Variants in TXK observed in about 807,000 individuals in gnomAD.
The protein encoded by TXK is TXK tyrosine kinase.
TXK carries 60 observed loss-of-function variants against 81.0 expected under a neutral mutation model. That is an observed-to-expected ratio of 0.74 (90% CI 0.60 to 0.92). The LOEUF is 0.92. TXK is among the 40% of genes least tolerant of loss of function. The probability of loss-of-function intolerance (pLI) is 0.00; values close to 1 mark genes in which losing one functional copy is unlikely to be tolerated. For synonymous variants in TXK, 203 were observed against 210.7 expected (o/e 0.96, Z 0.32); for missense variants, 581 against 638.3 (o/e 0.91, Z 0.97).
At chr4:48,096,516 C>T (rs778257165) in intron 6 of TXK, among the ~76,000 whole-genome samples, 5 of 152,072 alleles carry the variant, frequency 3.3e-5, no homozygotes, top group Non-Finnish European at 7.4e-5. Context: ...AATTTTCTTT[C>T]TCTTTCTTTC....
intron 1 of TXK, among the ~76,000 whole-genome samples, chr4:48,127,574 C>T (rs535384682): frequency 6.6e-6 from 1 of 152,336 alleles, no homozygotes; most frequent in African/African-American, 2.4e-5. Context: ...GACTATTTGC[C>T]TGCTGGAAGG....
chr4:48,087,524 C>T (rs1271038665), intron 9 of TXK, among the ~76,000 whole-genome samples: 1 of 152,068 alleles, frequency 6.6e-6, no homozygotes, highest in African/African-American at 2.4e-5. Flanking sequence ...CAAGCTCCAC[C>T]TCTTAGGTTC....
intron 14 of TXK, 25 bp downstream of exon 14, chr4:48,071,492 T>C: frequency 6.3e-7 from 1 of 1,598,994 alleles, no homozygotes; most frequent in South Asian, 1.1e-5. Context: ...CTGCCAACCT[T>C]CATAGGAAAG....
chr4:48,080,066 T>C lies in TXK; in HGVS notation c.1019A>G (p.Tyr340Cys), dbSNP rs1717236732. 6.2e-7 allele frequency: 1 copy of C among 1,613,986 alleles called. No homozygotes were observed. Among genetic ancestry groups the C allele is most frequent in the South Asian group, 1.1e-5 (1 of 91,080 alleles). ...ATTTTCCATGAACTCTGTCACAATG[T>C]AAAGGGGCTTCCGCTGTATACAGAC... is the stretch of plus-strand genomic sequence containing the variant. Reference protein sequence around the residue: ...YGVCIQRKPLYIVTEFMENGC... With the variant: ...YGVCIQRKPLCIVTEFMENGC... The change falls in exon 11 of 15, where the codon TAC becomes TGC. Residue 340 changes from tyrosine to cysteine, a missense_variant. Tyr to Cys is a radical substitution (Grantham distance 194). Coordinates refer to ENST00000264316, the MANE Select transcript of TXK (RefSeq NM_003328.3).
intron 1 of TXK, among the ~76,000 whole-genome samples, chr4:48,116,257 C>T (rs558087773): frequency 2.2e-4 from 33 of 152,152 alleles, no homozygotes; most frequent in African/African-American, 7.0e-4. Context: ...CTAATTGAGT[C>T]GATTCATGTA....
intron 1 of TXK, among the ~76,000 whole-genome samples, chr4:48,128,183 G>C (rs905692613): frequency 5.3e-5 from 8 of 152,340 alleles, no homozygotes; most frequent in Admixed American, 1.3e-4. Context: ...TCAGTGCCTT[G>C]AGTGAAATGC....
intron 11 of TXK, among the ~76,000 whole-genome samples, chr4:48,077,733 T>TA (rs1171091109): frequency 6.6e-6 from 1 of 152,118 alleles, no homozygotes; most frequent in African/African-American, 2.4e-5. Context: ...ATTTTTTTTT[T>TA]AATGATCTAT....
chr4:48,120,356 G>A (rs867662405), intron 1 of TXK, among the ~76,000 whole-genome samples: 30 of 149,412 alleles, frequency 2.0e-4, no homozygotes, highest in East Asian at 5.9e-4. Context: ...ACGTATATAC[G>A]TATGTATATA....
At chr4:48,089,946 TAGTC>T (rs1717695571) in intron 8 of TXK, 122 bp from the exon 9 acceptor site, 1 of 630,356 alleles carries the variant, frequency 1.6e-6, no homozygotes, top group Non-Finnish European at 2.7e-6. Flanking sequence ...TTCTACCAGT[TAGTC>T]AGCAGTTTGC....
At chr4:48,078,170 G>C (rs1717142903) in intron 11 of TXK, among the ~76,000 whole-genome samples, 1 of 152,196 alleles carries the variant, frequency 6.6e-6, no homozygotes, top group African/African-American at 2.4e-5. Context: ...TGGCATCTCA[G>C]ATATCTAGGC....
At chr4:48,095,658 C>A (rs763029526) in intron 6 of TXK, among the ~76,000 whole-genome samples, 1 of 151,730 alleles carries the variant, frequency 6.6e-6, no homozygotes, top group African/African-American at 2.4e-5. Flanking sequence ...GCAAGCAGGG[C>A]GTGGGGAAGG....
intron 1 of TXK, among the ~76,000 whole-genome samples, chr4:48,127,432 TTTGAA>T (rs1158100275): frequency 6.6e-6 from 1 of 152,224 alleles, no homozygotes; most frequent in Non-Finnish European, 1.5e-5. Flanking sequence ...GAAGCCATTC[TTTGAA>T]TTGTTTTGCC....
In TXK at chr4:48,071,530, C is replaced by T; in HGVS notation, c.1502G>A (p.Ser501Asn). 1 of 1,613,384 alleles carries T rather than the reference C, an allele frequency of 6.2e-7. No individual in the cohort carries two copies. The highest frequency in any genetic ancestry group is 8.5e-7 in the Non-Finnish European group (1 of 1,179,758). ...ACATATGCTTACCTCATGCCAGCAGCTGTACATGACTTCATATATGGACAT... is the reference window on the plus strand; with the variant it reads ...ACATATGCTTACCTCATGCCAGCAGTTGTACATGACTTCATATATGGACAT... ...APMSIYEVMY[S>N]CWHEKPEGRP... The change falls in exon 14 of 15, where the codon AGC becomes AAC. Residue 501 changes from serine to asparagine, a missense_variant. Ser to Asn is a conservative substitution (Grantham distance 46). Coordinates refer to ENST00000264316, the MANE Select transcript of TXK (RefSeq NM_003328.3).
intron 6 of TXK, among the ~76,000 whole-genome samples, chr4:48,100,858 G>A (rs1718163907): frequency 6.6e-6 from 1 of 152,076 alleles, no homozygotes; most frequent in Admixed American, 6.5e-5. Context: ...GGTATAAAAT[G>A]AAGGAGGACA....
At chr4:48,068,151 G>A (rs886515775) in intron 14 of TXK, among the ~76,000 whole-genome samples, 3 of 152,170 alleles carry the variant, frequency 2.0e-5, no homozygotes, top group Admixed American at 6.5e-5. Context: ...AGTCGTGCTA[G>A]CCACTTTTCA....
At chr4:48,085,757 C>A (rs549725268) in intron 10 of TXK, among the ~76,000 whole-genome samples, 1 of 152,132 alleles carries the variant, frequency 6.6e-6, no homozygotes, top group Non-Finnish European at 1.5e-5. Flanking sequence ...CAGTCAGAGA[C>A]GAGATCGGCT....
chr4:48,075,433 T>A (rs1717028533), intron 12 of TXK, among the ~76,000 whole-genome samples: 1 of 151,946 alleles, frequency 6.6e-6, no homozygotes, highest in Non-Finnish European at 1.5e-5. Context: ...GGGTGGATAT[T>A]TGATGTCAGG....
rs1718662253 is a variant in TXK at position 48,112,405 on chromosome 4, C to A, written c.282G>T (p.Leu94=). Reference sequence around the variant, plus strand: ...AGGCTAAATTACAGGGTTCTCTGGGCAGAAAATCATAAAGTGCCTTGACTT... The same window carrying A: ...AGGCTAAATTACAGGGTTCTCTGGGAAGAAAATCATAAAGTGCCTTGACTT... ...KIQVKALYDF[L]PREPCNLALR... is the part of the protein sequence containing the mutation. Residue 94 remains leucine (L), a synonymous_variant, in exon 4 of 15, where the codon CTG becomes CTT. Transcript: ENST00000264316. The A allele has an allele frequency of 1.2e-6, 2 of 1,614,164 alleles. No individual in the cohort carries two copies. Among genetic ancestry groups the A allele is most frequent in the Non-Finnish European group, 1.7e-6 (2 of 1,180,030 alleles).
chr4:48,071,955 T>C (rs976071658), intron 13 of TXK, among the ~76,000 whole-genome samples: 8 of 78,458 alleles, frequency 1.0e-4, no homozygotes, highest in African/African-American at 2.5e-4. Context: ...CATTTTCTTT[T>C]CTTTTTTTTT....
Sources: allele counts gnomAD v4.1 joint callset (sites outside exome capture counted in the v4.1 genomes callset), GRCh38; gene constraint gnomAD v4.1.1; transcripts MANE v1.5; gene names NCBI Gene and HGNC (gene_info 2026-07-23, HGNC 2026-07-21).